Variants in B4GALT5 observed in about 807,000 individuals in gnomAD.
The protein encoded by B4GALT5 is UDP-Gal:beta-GlcNAc beta-1,4-galactosyltransferase 5.
In B4GALT5, 11 loss-of-function variants were observed where a neutral mutation model predicts 45.0. The observed-to-expected ratio is 0.24, with a 90% CI of 0.15 to 0.40. B4GALT5 has a LOEUF of 0.40. Ranked by LOEUF, B4GALT5 falls within the 10% of genes least tolerant of loss-of-function variation. B4GALT5 has a pLI of 1.00. For synonymous variants in B4GALT5, 185 were observed against 182.9 expected (o/e 1.01, Z -0.09); for missense variants, 337 against 500.2 (o/e 0.67, Z 3.11).
chr20:49,646,838 T>C, intron 3 of B4GALT5, 127 bp downstream of exon 3: 1 of 590,494 alleles, frequency 1.7e-6, no homozygotes. Flanking sequence ...AGCACAACTT[T>C]CACAAACCCT....
chr20:49,697,570 A>T (rs2085844529), intron 1 of B4GALT5, among the ~76,000 whole-genome samples: 1 of 138,490 alleles, frequency 7.2e-6, no homozygotes, highest in Non-Finnish European at 1.5e-5. Flanking sequence ...GGAAGGGGAC[A>T]TGTCCTTTTT....
intron 1 of B4GALT5, among the ~76,000 whole-genome samples, chr20:49,685,368 C>T (rs557953274): frequency 8.5e-5 from 13 of 152,164 alleles, no homozygotes; most frequent in Non-Finnish European, 1.3e-4. Context: ...TTTCCCTCTA[C>T]CAGGGCCCTT....
chr20:49,686,981 T>C (rs2085788745), intron 1 of B4GALT5, among the ~76,000 whole-genome samples: 1 of 152,204 alleles, frequency 6.6e-6, no homozygotes, highest in Non-Finnish European at 1.5e-5. Flanking sequence ...AATCCAATTC[T>C]GCTTTTCTGG....
intron 1 of B4GALT5, among the ~76,000 whole-genome samples, chr20:49,665,277 T>C (rs1318372060): frequency 6.6e-6 from 1 of 151,102 alleles, no homozygotes; most frequent in Non-Finnish European, 1.5e-5. Context: ...AAAAATCAGC[T>C]GGGCATGATG....
intron 1 of B4GALT5, among the ~76,000 whole-genome samples, chr20:49,695,360 T>A (rs969065400): frequency 3.3e-5 from 5 of 152,080 alleles, no homozygotes; most frequent in African/African-American, 1.2e-4. Context: ...TTTATATGGA[T>A]TAACTCATTA....
At chr20:49,676,382 A>T (rs2085737619) in intron 1 of B4GALT5, among the ~76,000 whole-genome samples, 1 of 152,224 alleles carries the variant, frequency 6.6e-6, no homozygotes, top group African/African-American at 2.4e-5. Context: ...CAACACACTC[A>T]AGAAAATGAT....
chr20:49,663,990 A>G (rs2085678123), intron 1 of B4GALT5, among the ~76,000 whole-genome samples: 1 of 151,998 alleles, frequency 6.6e-6, no homozygotes, highest in African/African-American at 2.4e-5. Context: ...AGGATAGTCA[A>G]AACACATATT....
intron 2 of B4GALT5, among the ~76,000 whole-genome samples, chr20:49,655,984 T>C (rs1240270426): frequency 6.6e-6 from 1 of 150,768 alleles, no homozygotes; most frequent in Admixed American, 6.6e-5. Context: ...TATTATGCTA[T>C]AGTTTAAATG....
intron 1 of B4GALT5, among the ~76,000 whole-genome samples, chr20:49,667,651 T>C (rs538875255): frequency 3.9e-5 from 6 of 152,142 alleles, no homozygotes; most frequent in Non-Finnish European, 8.8e-5. Flanking sequence ...GCTCAAGCAG[T>C]CCTCACACTT....
chr20:49,685,996 A>G (rs1284118777), intron 1 of B4GALT5, among the ~76,000 whole-genome samples: 1 of 152,104 alleles, frequency 6.6e-6, no homozygotes, highest in African/African-American at 2.4e-5. Flanking sequence ...CTGCTGTAAC[A>G]TCTCCTCTGA....
At chr20:49,702,284 T>C (rs565684737) in intron 1 of B4GALT5, among the ~76,000 whole-genome samples, 1 of 152,082 alleles carries the variant, frequency 6.6e-6, no homozygotes, top group Admixed American at 6.5e-5. Context: ...AAAAAAACCA[T>C]GACTCCTGCT....
chr20:49,692,962 C>T (rs2085822305), intron 1 of B4GALT5, among the ~76,000 whole-genome samples: 1 of 152,036 alleles, frequency 6.6e-6, no homozygotes, highest in African/African-American at 2.4e-5. Flanking sequence ...TGTATTTTTA[C>T]TATACCTTTT....
intron 2 of B4GALT5, among the ~76,000 whole-genome samples, chr20:49,650,992 T>C (rs1302186819): frequency 6.6e-6 from 1 of 152,160 alleles, no homozygotes; most frequent in Non-Finnish European, 1.5e-5. Context: ...CAGCTGCTTT[T>C]ACATTTAGAA....
intron 7 of B4GALT5, among the ~76,000 whole-genome samples, chr20:49,638,766 A>T (rs924810847): frequency 6.6e-6 from 1 of 152,208 alleles, no homozygotes; most frequent in Non-Finnish European, 1.5e-5. Context: ...GCTTATAGGA[A>T]TTTTTCCTAA....
At chr20:49,712,190 C>T (rs2085915685) in intron 1 of B4GALT5, among the ~76,000 whole-genome samples, 1 of 152,170 alleles carries the variant, frequency 6.6e-6, no homozygotes, top group South Asian at 2.1e-4. Context: ...ATTTTTAAAA[C>T]TCTTCAAGCA....
At chr20:49,711,430 G>C (rs1018167333) in intron 1 of B4GALT5, among the ~76,000 whole-genome samples, 3 of 152,188 alleles carry the variant, frequency 2.0e-5, no homozygotes, top group African/African-American at 7.2e-5. Context: ...TACCATCCCA[G>C]TGGGATATAG....
At chr20:49,682,887 GT>G (rs2085769912) in intron 1 of B4GALT5, among the ~76,000 whole-genome samples, 1 of 152,146 alleles carries the variant, frequency 6.6e-6, no homozygotes, top group Non-Finnish European at 1.5e-5. Context: ...GAGCCCAGGA[GT>G]TTAAGATCAG....
rs1294989935 is a variant in B4GALT5 at position 49,633,282 on chromosome 20, AT to A, written c.*3029del. 3 of 152,470 alleles carry A rather than the reference AT, an allele frequency of 2.0e-5. No homozygotes were observed. Among genetic ancestry groups the A allele is most frequent in the Admixed American group, 2.0e-4 (3 of 15,258 alleles). 9.4% of individuals were successfully genotyped at this position (152,470 alleles called of 1,614,324 possible). A position where few individuals can be genotyped will look rare whatever the true frequency, so the allele number is the denominator to read the frequency against. On this transcript the variant is annotated 3_prime_UTR_variant, in exon 9 of 9. Coordinates refer to ENST00000371711, the MANE Select transcript of B4GALT5 (RefSeq NM_004776.4). The stretch of plus-strand genomic sequence containing the variant: ...GAGGACCTATTATGTCAAAATGAGT[AT>A]TCTTGCAAATACCCCCCCACCCCCC...
chr20:49,701,110 C>CA (rs1412860870), intron 1 of B4GALT5, among the ~76,000 whole-genome samples: 1 of 152,216 alleles, frequency 6.6e-6, no homozygotes. Context: ...CTGCTTTGTT[C>CA]ATCACTGTAT....
Sources: allele counts gnomAD v4.1 joint callset (sites outside exome capture counted in the v4.1 genomes callset), GRCh38; gene constraint gnomAD v4.1.1; transcripts MANE v1.5; gene names NCBI Gene and HGNC (gene_info 2026-07-23, HGNC 2026-07-21).